FMR1: variants seen among roughly 807,000 people sequenced by gnomAD.
The protein encoded by FMR1 is FMRP translational regulator 1.
In FMR1, 13 loss-of-function variants were observed where a neutral mutation model predicts 50.6. The ratio of observed to expected loss-of-function variants is 0.26; its 90% CI spans 0.17 to 0.41. The LOEUF (loss-of-function observed/expected upper bound fraction) is 0.41, where lower values mean the gene tolerates loss of function less well. Among genes scored for constraint, FMR1 ranks in the 10% least tolerant of loss-of-function variants. FMR1 has a pLI of 1.00. For synonymous variants in FMR1, 138 were observed against 164.1 expected (o/e 0.84, Z 1.22); for missense variants, 316 against 491.3 (o/e 0.64, Z 3.37).
intron 9 of FMR1, among the ~76,000 whole-genome samples, chrX:147,933,112 G>A (rs1205247731): frequency 1.1e-5 from 1 of 91,141 alleles, no homozygotes; most frequent in Non-Finnish European, 2.1e-5. Flanking sequence ...TGTTCTCATT[G>A]TTCAATCGAT....
intron 1 of FMR1, among the ~76,000 whole-genome samples, chrX:147,917,004 A>G (rs1179514233): frequency 8.9e-6 from 1 of 112,496 alleles, no homozygotes; most frequent in Non-Finnish European, 1.9e-5. Flanking sequence ...AATTACAGGC[A>G]TGAGACACCG....
chrX:147,943,536 T>G (rs1323129655), intron 14 of FMR1: 1 of 425,945 alleles, frequency 2.3e-6, no homozygotes, highest in African/African-American at 2.5e-5. Flanking sequence ...CTGTTCATGC[T>G]CTGATTGGGG....
At chrX:147,945,325 C>G (rs2044137210) in intron 15 of FMR1, among the ~76,000 whole-genome samples, 1 of 112,218 alleles carries the variant, frequency 8.9e-6, no homozygotes, top group Non-Finnish European at 1.9e-5. Flanking sequence ...TCACATTGAC[C>G]TGTAGATGCA....
intron 12 of FMR1, 22 bp from the exon 13 acceptor site, chrX:147,940,554 A>AT (rs782622799): frequency 1.9e-6 from 2 of 1,034,440 alleles, no homozygotes; most frequent in Non-Finnish European, 2.7e-6. Flanking sequence ...TTATAGGATC[A>AT]TTGTTGCAAT....
chrX:147,936,933 C>T (rs1239579154), intron 10 of FMR1, among the ~76,000 whole-genome samples: 1 of 111,561 alleles, frequency 9.0e-6, no homozygotes, highest in Non-Finnish European at 1.9e-5. Flanking sequence ...GTAAATGCTT[C>T]GTAAAGCACT....
chrX:147,912,757 T>C, intron 1 of FMR1: 5 of 297,796 alleles, frequency 1.7e-5, no homozygotes, highest in Non-Finnish European at 2.9e-5. Flanking sequence ...TCCACTGTTC[T>C]GGGCGAGGGC....
chrX:147,934,838 A>C (rs1472899758), intron 9 of FMR1, among the ~76,000 whole-genome samples: 1 of 111,966 alleles, frequency 8.9e-6, no homozygotes, highest in Non-Finnish European at 1.9e-5. Flanking sequence ...GAGAGGTGTC[A>C]TAATCAGTTT....
chrX:147,931,688 G>T (rs1485255620), intron 7 of FMR1, among the ~76,000 whole-genome samples: 1 of 112,104 alleles, frequency 8.9e-6, no homozygotes. Context: ...TGGGATGTCA[G>T]TGTAACTTAG....
chrX:147,916,565 TCTTTCTTC>T (rs1181056305), intron 1 of FMR1, among the ~76,000 whole-genome samples: 12 of 111,495 alleles, frequency 1.1e-4, no homozygotes, highest in Non-Finnish European at 1.9e-4. Flanking sequence ...TTTTTGGTTT[TCTTTCTTC>T]CTTTCTTCCT....
chrX:147,927,701 G>C (rs1557177791), intron 3 of FMR1: 1 of 111,767 alleles, frequency 8.9e-6, no homozygotes, highest in African/African-American at 3.3e-5. Context: ...AGATCAGTTA[G>C]AAGAACTGAT....
chrX:147,928,858 G>C, intron 5 of FMR1, 51 bp downstream of exon 5: 1 of 1,141,436 alleles, frequency 8.8e-7, no homozygotes, highest in Non-Finnish European at 1.2e-6. Flanking sequence ...TATGCAATTA[G>C]TTTAGAAGAA....
chrX:147,917,101 G>C (rs2042908644), intron 1 of FMR1, among the ~76,000 whole-genome samples: 1 of 111,875 alleles, frequency 8.9e-6, no homozygotes, highest in African/African-American at 3.3e-5. Flanking sequence ...AGCACTACAT[G>C]TTCTGTCTTC....
At chrX:147,918,077 AAC>A (rs782794817) in intron 1 of FMR1, among the ~76,000 whole-genome samples, 1 of 111,392 alleles carries the variant, frequency 9.0e-6, no homozygotes, top group African/African-American at 3.3e-5. Flanking sequence ...ATCATAGCAA[AAC>A]ACAGTTTTCC....
At position 147,912,193 on chromosome X, in the gene FMR1, T is replaced by A. The variant is rs1557173996; in HGVS notation, c.14T>A (p.Val5Glu). The A allele has an allele frequency of 7.0e-6, 8 of 1,150,795 alleles. No individual in the cohort carries two copies. Among genetic ancestry groups the A allele is most frequent in the Non-Finnish European group, 9.2e-6 (8 of 865,398 alleles). The allele number at this position is 1,150,795 out of a possible 1,213,427, so 94.8% of individuals were successfully genotyped here. A position where few individuals can be genotyped will look rare whatever the true frequency, so the allele number is the denominator to read the frequency against. The change falls in exon 1 of 17, where the codon GTG (valine) becomes GAG (glutamate). Residue 5 changes from valine to glutamate, a missense_variant. Physicochemically the swap from Val to Glu is moderately radical, Grantham distance 121. Coordinates refer to ENST00000370475, the MANE Select transcript of FMR1 (RefSeq NM_002024.6). The part of the protein sequence containing the change: MEEL[V>E]VEVRGSNGAF... The stretch of plus-strand genomic sequence containing the variant: ...GCTGAAGAGAAGATGGAGGAGCTGG[T>A]GGTGGAAGTGCGGGGCTCCAATGGC...
At position 147,948,469 on chromosome X, in the gene FMR1, C is replaced by T. The variant is rs1422363372; in HGVS notation, c.1738-214C>T. ...CTAACTTTGGATGCAGTGAGATGACCAGTGTGTTCCAGTTAAAGAAGAAGA... is the reference window on the plus strand; with the variant it reads ...CTAACTTTGGATGCAGTGAGATGACTAGTGTGTTCCAGTTAAAGAAGAAGA... On this transcript the variant is annotated intron_variant, in intron 16 of 16. Transcript: ENST00000370475. 2.9e-6 allele frequency: 3 copies of T among 1,028,126 alleles called. No individual in the cohort carries two copies. In the African/African-American group the frequency reaches 5.8e-5, roughly 20 times the overall value. 84.7% of individuals were successfully genotyped at this position (1,028,126 alleles called of 1,213,427 possible). A position where few individuals can be genotyped will look rare whatever the true frequency, so the allele number is the denominator to read the frequency against.
At position 147,928,413 on chromosome X, in the gene FMR1, A is replaced by C. The variant is rs2043463991; in HGVS notation, c.270+20A>C. 4 of 1,151,137 alleles carry C rather than the reference A, an allele frequency of 3.5e-6. No individual in the cohort carries two copies. In the Middle Eastern group the frequency reaches 7.3e-4, roughly 210 times the overall value. The allele number at this position is 1,151,137 out of a possible 1,213,427, so 94.9% of individuals were successfully genotyped here. On this transcript the variant is annotated intron_variant, in intron 4 of 16. Transcript: ENST00000370475. ...GGTGAGGTAGGAAAATGCCTATTTA[A>C]ATTTTTTTCTTATATTGTTTCCTTT...
rs782446757 is a variant in FMR1 at position 147,936,416 on chromosome X, A to C, written c.881-88A>C. ...CACATACACATAAAAATATCTATCT[A>C]TATGAATGTAATAGTTTACAGTAGG... On this transcript the variant is annotated intron_variant, in intron 9 of 16. Coordinates refer to ENST00000370475, the MANE Select transcript of FMR1 (RefSeq NM_002024.6). The C allele has an allele frequency of 1.0e-5, 6 of 581,083 alleles. No individual in the cohort carries two copies. The South Asian group carries it at 1.5e-4, about 14-fold the overall frequency. The allele number at this position is 581,083 out of a possible 1,213,427, so 47.9% of individuals were successfully genotyped here. A position where few individuals can be genotyped will look rare whatever the true frequency, so the allele number is the denominator to read the frequency against.
In FMR1 at chrX:147,940,262, T is replaced by G. The variant is rs1004767932; in HGVS notation, c.1189-314T>G. 1.5e-5 allele frequency: 4 copies of G among 266,015 alleles called. No homozygotes were observed. In the Admixed American group the frequency reaches 1.7e-4, roughly 12 times the overall value. The allele number at this position is 266,015 out of a possible 1,213,427, so 21.9% of individuals were successfully genotyped here. ...AATTAGAGCATCTTATACTACTCAT[T>G]TTGTTTATACATCTCATGGTAAAGC... is the stretch of plus-strand genomic sequence containing the variant. On this transcript the variant is annotated intron_variant, in intron 12 of 16. Transcript: ENST00000370475.
In FMR1 at chrX:147,948,519, A is replaced by G. The variant is rs25721; in HGVS notation, c.1738-164A>G. On this transcript the variant is annotated intron_variant, in intron 16 of 16. Coordinates refer to ENST00000370475, the MANE Select transcript of FMR1 (RefSeq NM_002024.6). ...AGTGTTTTAAAATCATAAACCAAAT[A>G]AAGAATCCTACCTTACATTAATTTC... 53 of 1,098,997 alleles carry G rather than the reference A, an allele frequency of 4.8e-5. No homozygotes were observed. The East Asian group carries it at 1.7e-3, about 35-fold the overall frequency. 90.6% of individuals were successfully genotyped at this position (1,098,997 alleles called of 1,213,427 possible).
Sources: allele counts gnomAD v4.1 joint callset (sites outside exome capture counted in the v4.1 genomes callset), GRCh38; gene constraint gnomAD v4.1.1; transcripts MANE v1.5; gene names NCBI Gene and HGNC (gene_info 2026-07-23, HGNC 2026-07-21).